The following GPHN variants were observed in gnomAD, a reference collection of about 807,000 sequenced individuals.
The protein encoded by GPHN is gephyrin.
In GPHN, 17 loss-of-function variants were observed where a neutral mutation model predicts 95.5. That is an observed-to-expected ratio of 0.18 (90% confidence interval 0.12 to 0.27). The LOEUF is 0.27. GPHN is among the 10% of genes least tolerant of loss of function. The pLI is 1.00. For missense variants in GPHN, 660 were observed against 978.1 expected, an observed-to-expected ratio of 0.67 and a Z score of 4.34; for synonymous variants, 320 against 322.5, an observed-to-expected ratio of 0.99 and a Z score of 0.08.
chr14:67,387,058 T>C, the GPHN span: 2 of 287,934 alleles, frequency 6.9e-6, no homozygotes, highest in East Asian at 8.7e-5. Flanking sequence ...CCTACTTTGG[T>C]GCCCGAGGAA....
intron 1 of GPHN, among the ~76,000 whole-genome samples, chr14:66,616,760 T>G (rs2063056490): frequency 1.3e-5 from 2 of 151,902 alleles, no homozygotes; most frequent in Middle Eastern, 6.8e-3. Context: ...CAGGCTGGAG[T>G]GCAGTGGTGC....
chr14:67,727,951 G>A, the GPHN span: 1 of 152,294 alleles, frequency 6.6e-6, no homozygotes, highest in Non-Finnish European at 1.5e-5. Context: ...AGGGAGTTAG[G>A]GCTGGATTTC....
intron 1 of GPHN, among the ~76,000 whole-genome samples, chr14:66,546,256 G>C (rs1252039994): frequency 6.6e-6 from 1 of 151,554 alleles, no homozygotes; most frequent in Non-Finnish European, 1.5e-5. Context: ...ATGGGATGGC[G>C]GCCGGGCAGA....
chr14:67,479,785 G>A, the GPHN span, among the ~76,000 whole-genome samples: 1 of 152,156 alleles, frequency 6.6e-6, no homozygotes, highest in African/African-American at 2.4e-5. Flanking sequence ...GTGTATAGAA[G>A]GTGTTCAATG....
chr14:67,208,521 C>A, the GPHN span: 1 of 1,472,348 alleles, frequency 6.8e-7, no homozygotes, highest in South Asian at 1.3e-5. Context: ...GTGCTTTAGT[C>A]TCTTAACTCA....
In GPHN at chr14:66,621,551, A is replaced by AG. The variant is rs2063304326; in HGVS notation, c.65-59555dup. The stretch of plus-strand genomic sequence containing the variant: ...ACCATTCTCCTGCCTCAGTCTCCTG[A>AG]GTAGCTGGGACTACAGGCACCCGCC... On this transcript the variant is annotated intron_variant, in intron 1 of 22. Transcript: ENST00000478722. 2.7e-5 allele frequency among the ~76,000 whole-genome samples: 4 copies of AG among 149,984 alleles called. No individual in the cohort carries two copies. The South Asian group carries it at 8.4e-4, about 32-fold the overall frequency.
the GPHN span, among the ~76,000 whole-genome samples, chr14:67,598,339 T>C: frequency 6.6e-6 from 1 of 152,172 alleles, no homozygotes; most frequent in Non-Finnish European, 1.5e-5. Context: ...GGACCTGGCA[T>C]AAAAGCAGGC....
At chr14:67,307,166 T>C in the GPHN span, among the ~76,000 whole-genome samples, 3 of 152,216 alleles carry the variant, frequency 2.0e-5, no homozygotes, top group Non-Finnish European at 4.4e-5. Context: ...CCTCTGTATT[T>C]CACTTCCTGA....
intron 2 of GPHN, among the ~76,000 whole-genome samples, chr14:66,710,181 T>C (rs967408775): frequency 1.3e-5 from 2 of 152,206 alleles, no homozygotes; most frequent in African/African-American, 4.8e-5. Context: ...GTTATTCATA[T>C]TTTAAAAGTT....
At chr14:67,193,474 T>A in the GPHN span, among the ~76,000 whole-genome samples, 3 of 142,680 alleles carry the variant, frequency 2.1e-5, no homozygotes, top group African/African-American at 7.6e-5. Context: ...TATCTAGATA[T>A]CTAGATACAG....
chr14:67,689,073 C>T, the GPHN span, among the ~76,000 whole-genome samples: 5 of 152,194 alleles, frequency 3.3e-5, no homozygotes, highest in African/African-American at 1.2e-4. Context: ...CACCACTGGA[C>T]CCATCTTTCC....
chr14:67,400,764 G>T, the GPHN span, among the ~76,000 whole-genome samples: 1 of 152,084 alleles, frequency 6.6e-6, no homozygotes, highest in Non-Finnish European at 1.5e-5. Context: ...AAGGTAGGAG[G>T]ATCACTTGAG....
the GPHN span, chr14:67,201,771 A>C: frequency 1.1e-5 from 3 of 284,686 alleles, no homozygotes; most frequent in South Asian, 9.7e-5. Context: ...AGTGTGAGCT[A>C]CAACCTCTTT....
intron 16 of GPHN, among the ~76,000 whole-genome samples, chr14:67,121,845 T>C: frequency 6.6e-6 from 1 of 152,226 alleles, no homozygotes; most frequent in Non-Finnish European, 1.5e-5. Context: ...TAAACTATTA[T>C]TCTGTTCAGA....
the GPHN span, among the ~76,000 whole-genome samples, chr14:67,495,776 G>A: frequency 6.6e-6 from 1 of 151,694 alleles, no homozygotes; most frequent in Admixed American, 6.6e-5. Flanking sequence ...GAGCCACCAT[G>A]CCCAGCCAGC....
At chr14:66,591,700 G>A (rs2061656158) in intron 1 of GPHN, among the ~76,000 whole-genome samples, 1 of 152,164 alleles carries the variant, frequency 6.6e-6, no homozygotes, top group South Asian at 2.1e-4. Context: ...TGGATAAGAA[G>A]AATCAATATC....
At chr14:66,966,453 A>G (rs2069333885) in intron 9 of GPHN, among the ~76,000 whole-genome samples, 1 of 152,098 alleles carries the variant, frequency 6.6e-6, no homozygotes, top group South Asian at 2.1e-4. Context: ...TCTTCAATAA[A>G]GATAAACTAT....
chr14:67,445,171 G>A, the GPHN span, among the ~76,000 whole-genome samples: 4 of 152,252 alleles, frequency 2.6e-5, no homozygotes, highest in African/African-American at 9.6e-5. Flanking sequence ...CCTCTATAAT[G>A]AAGCAGTGAT....
At chr14:67,364,589 G>T in the GPHN span, 1 of 583,770 alleles carries the variant, frequency 1.7e-6, no homozygotes, top group Non-Finnish European at 2.8e-6. Flanking sequence ...TTAAAGCTTG[G>T]TTCCTGAACA....
Sources: gnomAD v4.1 joint callset for allele counts (sites outside exome capture counted in the v4.1 genomes callset) on GRCh38, gnomAD v4.1.1 for gene constraint, MANE v1.5 for transcripts, NCBI Gene and HGNC (gene_info 2026-07-23, HGNC 2026-07-21) for gene names.